The following ABCA1 variants were observed in gnomAD, a reference collection of about 807,000 sequenced individuals.
ABCA1 encodes the protein phospholipid-transporting ATPase ABCA1.
ABCA1 carries 133 observed loss-of-function variants against 262.5 expected under a neutral mutation model. The ratio of observed to expected loss-of-function variants is 0.51; its 90% CI spans 0.44 to 0.59. The LOEUF (loss-of-function observed/expected upper bound fraction) is 0.59. Ranked by LOEUF, ABCA1 falls within the 20% of genes least tolerant of loss-of-function variation. ABCA1 has a pLI of 0.00. For synonymous variants in ABCA1, 1,022 were observed against 1,043.5 expected (o/e 0.98, Z 0.40); for missense variants, 2,452 against 2,777.5 (o/e 0.88, Z 2.63).
chr9:104,822,566 C>T lies in ABCA1; in HGVS notation c.2758G>A (p.Ala920Thr). Residue 920 changes from alanine to threonine, a missense_variant, in exon 19 of 50, where the codon GCA (alanine) becomes ACA (threonine). By Grantham distance (58) the Ala-to-Thr change is moderately conservative (BLOSUM62 0). This residue lies in a region of ABCA1 where 665 missense variants were observed against 727.3 expected (regional missense o/e 0.91). Coordinates refer to ENST00000374736, the MANE Select transcript of ABCA1 (RefSeq NM_005502.4). Reference sequence around the variant, plus strand: ...ATCTGGCCCTCATAAAAATTCAGTGCCAGGCCATCGACAGCCACCTTCATC... The same window carrying T: ...ATCTGGCCCTCATAAAAATTCAGTGTCAGGCCATCGACAGCCACCTTCATC... ...DGMKVAVDGL[A>T]LNFYEGQITS... 6.2e-7 allele frequency: 1 copy of T among 1,614,048 alleles called. No individual in the cohort carries two copies. The highest frequency in any genetic ancestry group is 8.5e-7 in the Non-Finnish European group (1 of 1,179,990).
chr9:104,791,002 C>T lies in ABCA1; in HGVS notation c.5847G>A (p.Gly1949=), dbSNP rs994269525. The change falls in exon 44 of 50, where the codon GGG becomes GGA. Residue 1949 remains glycine, a synonymous_variant. Transcript: ENST00000374736. ...GECFGLLGVN[G]AGKSSTFKML... ...TCTTGAAAGTTGATGATTTTCCAGC[C>T]CCATTAACTCCCAGGAGCCCAAAGC... 11 of 1,613,654 alleles carry T rather than the reference C, an allele frequency of 6.8e-6. No homozygotes were observed. The African/African-American group carries it at 1.5e-4, about 22-fold the overall frequency.
chr9:104,859,517 GC>G (rs1025800441), intron 6 of ABCA1, among the ~76,000 whole-genome samples: 1 of 152,156 alleles, frequency 6.6e-6, no homozygotes, highest in Non-Finnish European at 1.5e-5. Context: ...ATTACTAACT[GC>G]CCTGTTTAAA....
chr9:104,855,750 T>C (rs958209720), intron 7 of ABCA1: 8 of 1,549,616 alleles, frequency 5.2e-6, no homozygotes, highest in Admixed American at 2.0e-5. Context: ...AATATTCAAA[T>C]GCAATATTCA....
chr9:104,812,600 G>T lies in ABCA1; in HGVS notation c.4024C>A (p.Arg1342=). ...TGAGCAAAAAATCCTTTCCGACTCC[G>T]TCTGGCAATTAGCAGTCTCTTCCAC... ...LLWKRLLIAR[R]SRKGFFAQIV... Residue 1342 remains arginine (R), a synonymous_variant, in exon 28 of 50, where the codon CGG becomes AGG. Transcript: ENST00000374736. 2 of 1,614,116 alleles carry T rather than the reference G, an allele frequency of 1.2e-6. No individual in the cohort carries two copies. Among genetic ancestry groups the T allele is most frequent in the Non-Finnish European group, 1.7e-6 (2 of 1,180,014 alleles).
Position 104,788,021 on chromosome 9 carries a change from C to T in ABCA1, c.6103G>A (p.Val2035Met), listed in dbSNP as rs372790037. Residue 2035 changes from valine (V) to methionine (M), a missense_variant, in exon 46 of 50, where the codon GTG (valine) becomes ATG (methionine). Around this residue, in one of 4 missense-constraint regions of ABCA1, gnomAD observed 752 missense variants for 944.5 expected, o/e 0.80. Coordinates refer to ENST00000374736, the MANE Select transcript of ABCA1 (RefSeq NM_005502.4). ...CCAGCATATTTTTCTCCATACTTCA[C>T]GAGGCCCAGTTTCCGAATCGCCCAC... ...GEWAIRKLGL[V>M]KYGEKYAGNY... The T allele has an allele frequency of 1.3e-5, 21 of 1,614,064 alleles. No homozygotes were observed. The highest frequency in any genetic ancestry group is 2.7e-5 in the African/African-American group (2 of 74,934).
intron 30 of ABCA1, among the ~76,000 whole-genome samples, chr9:104,807,176 T>C (rs1460410418): frequency 1.3e-5 from 2 of 152,180 alleles, no homozygotes; most frequent in Middle Eastern, 3.2e-3. Flanking sequence ...CTGGATCTTA[T>C]GCTCGATGTG....
intron 5 of ABCA1, among the ~76,000 whole-genome samples, chr9:104,863,431 T>G (rs113648265): frequency 3.0e-4 from 45 of 152,292 alleles, no homozygotes; most frequent in Admixed American, 8.5e-4. Context: ...GGGCAAACTT[T>G]GCAAACTGAA....
chr9:104,840,927 A>G (rs963006874), intron 8 of ABCA1, among the ~76,000 whole-genome samples: 3 of 111,790 alleles, frequency 2.7e-5, no homozygotes, highest in African/African-American at 1.2e-4. Flanking sequence ...TTTATAGATA[A>G]AAGAATGCTT....
At chr9:104,816,473 T>A in intron 24 of ABCA1, 128 bp from the exon 25 acceptor site, 1 of 852,778 alleles carries the variant, frequency 1.2e-6, no homozygotes, top group Non-Finnish European at 2.0e-6. Context: ...GGTGTTTAGG[T>A]CATTCCACAT....
At chr9:104,919,291 A>G (rs367726152) in intron 1 of ABCA1, among the ~76,000 whole-genome samples, 75 of 152,190 alleles carry the variant, frequency 4.9e-4, no homozygotes, top group African/African-American at 1.5e-3. Flanking sequence ...TTCATCACCT[A>G]TTGGCTTAAC....
At position 104,840,401 on chromosome 9, in the gene ABCA1, T is replaced by G; in HGVS notation, c.932A>C (p.His311Pro). 6.2e-7 allele frequency: 1 copy of G among 1,614,208 alleles called. No individual in the cohort carries two copies. Among genetic ancestry groups the G allele is most frequent in the South Asian group, 1.1e-5 (1 of 91,082 alleles). Reference protein sequence around the residue: ...YQAVSRIVCGHPEGGGLKIKS... With the variant: ...YQAVSRIVCGPPEGGGLKIKS... ...GATCTTCAGCCCCCCTCCCTCGGGA[T>G]GCCCGCAGACAATACGAGACACAGC... Residue 311 changes from histidine to proline, a missense_variant, in exon 9 of 50, where the codon CAT becomes CCT. His to Pro is a moderately conservative substitution (Grantham distance 77). This residue lies in a region of ABCA1 where 1,032 missense variants were observed against 1,089.7 expected (regional missense o/e 0.95). Coordinates refer to ENST00000374736, the MANE Select transcript of ABCA1 (RefSeq NM_005502.4).
chr9:104,832,528 A>C (rs755368907), intron 12 of ABCA1, 46 bp downstream of exon 12: 8 of 1,597,758 alleles, frequency 5.0e-6, no homozygotes, highest in Non-Finnish European at 4.3e-6. Context: ...GTCTCAGAGA[A>C]AGAAGCCGTT....
chr9:104,808,656 C>T (rs1831004420), intron 30 of ABCA1, among the ~76,000 whole-genome samples: 1 of 152,226 alleles, frequency 6.6e-6, no homozygotes, highest in Admixed American at 6.5e-5. Context: ...GGTTATCATG[C>T]TCACTGTTCT....
intron 13 of ABCA1, among the ~76,000 whole-genome samples, chr9:104,831,395 T>A (rs546342648): frequency 6.6e-6 from 1 of 152,056 alleles, no homozygotes; most frequent in South Asian, 2.1e-4. Context: ...ATTAATTCCC[T>A]TGAGTAGAAA....
intron 27 of ABCA1, among the ~76,000 whole-genome samples, chr9:104,813,475 G>A (rs191357277): frequency 3.3e-5 from 5 of 152,094 alleles, no homozygotes; most frequent in East Asian, 1.9e-4. Context: ...GTGCAATGGC[G>A]CAACCGTGGC....
intron 12 of ABCA1, 124 bp downstream of exon 12, chr9:104,832,450 G>A: frequency 3.8e-6 from 4 of 1,049,106 alleles, no homozygotes; most frequent in Non-Finnish European, 5.8e-6. Flanking sequence ...TTAGGCTTGA[G>A]GGATAGTTTT....
intron 28 of ABCA1, among the ~76,000 whole-genome samples, chr9:104,812,274 A>G (rs1159189016): frequency 6.6e-6 from 1 of 152,186 alleles, no homozygotes; most frequent in Non-Finnish European, 1.5e-5. Context: ...TACACACACA[A>G]AACTAAGCAC....
intron 31 of ABCA1, 143 bp downstream of exon 31, chr9:104,806,098 C>G: frequency 2.3e-6 from 2 of 856,172 alleles, no homozygotes; most frequent in South Asian, 3.5e-5. Context: ...GAGCAAGACT[C>G]CGCCTCAGAA....
chr9:104,863,330 A>C (rs1266470560), intron 5 of ABCA1, among the ~76,000 whole-genome samples: 2 of 152,190 alleles, frequency 1.3e-5, no homozygotes, highest in African/African-American at 4.8e-5. Flanking sequence ...CACTCTCCTA[A>C]CAGCCTAACT....
Sources: allele counts gnomAD v4.1 joint callset (sites outside exome capture counted in the v4.1 genomes callset), GRCh38; gene constraint gnomAD v4.1.1; regional missense constraint gnomAD v4.1.1; transcripts MANE v1.5; gene names NCBI Gene and HGNC (gene_info 2026-07-23, HGNC 2026-07-21).